The following ROBO2 variants were observed in gnomAD, a reference collection of about 807,000 sequenced individuals.
The protein encoded by ROBO2 is roundabout homolog 2.
A neutral mutation model predicts 160.8 loss-of-function variants in ROBO2; 53 were observed. That is an observed-to-expected ratio of 0.33 (90% CI 0.26 to 0.41). The LOEUF (loss-of-function observed/expected upper bound fraction) is 0.41. ROBO2 is among the 10% of genes least tolerant of loss of function. The pLI is 1.00. For synonymous variants in ROBO2, 664 were observed against 611.7 expected (o/e 1.09, Z -1.26); for missense variants, 1,577 against 1,722.4 (o/e 0.92, Z 1.49).
chr3:75,988,702 A>G (rs901230263), intron 2 of ROBO2, among the ~76,000 whole-genome samples: 5 of 151,686 alleles, frequency 3.3e-5, no homozygotes, highest in African/African-American at 1.2e-4. Flanking sequence ...ATCTCCAAGT[A>G]TTTTCTAATT....
intron 2 of ROBO2, among the ~76,000 whole-genome samples, chr3:77,216,801 A>C (rs1199072324): frequency 6.6e-6 from 1 of 152,248 alleles, no homozygotes; most frequent in Admixed American, 6.5e-5. Flanking sequence ...AGGTGGAATT[A>C]CAAAATATTA....
chr3:77,028,873 A>C (rs2063141968), intron 2 of ROBO2, among the ~76,000 whole-genome samples: 1 of 152,110 alleles, frequency 6.6e-6, no homozygotes, highest in Admixed American at 6.5e-5. Flanking sequence ...TGTGTGTGTG[A>C]ATATAAGAAA....
chr3:76,790,866 C>A (rs1018640435), intron 2 of ROBO2, among the ~76,000 whole-genome samples: 2 of 151,492 alleles, frequency 1.3e-5, no homozygotes, highest in African/African-American at 4.8e-5. Flanking sequence ...TCTTTTCAGC[C>A]CTATCACTTA....
intron 2 of ROBO2, among the ~76,000 whole-genome samples, chr3:77,101,589 T>G (rs1161921881): frequency 6.6e-6 from 1 of 152,156 alleles, no homozygotes; most frequent in Non-Finnish European, 1.5e-5. Flanking sequence ...GAGCAGTTAA[T>G]AAGGGCTGAG....
At chr3:76,722,296 A>G (rs2093478147) in intron 2 of ROBO2, among the ~76,000 whole-genome samples, 1 of 151,992 alleles carries the variant, frequency 6.6e-6, no homozygotes, top group African/African-American at 2.4e-5. Context: ...TAATTTTTGT[A>G]TTTTTAGTAG....
chr3:77,045,750 G>T (rs1257596545), intron 1 of ROBO2, among the ~76,000 whole-genome samples: 1 of 152,134 alleles, frequency 6.6e-6, no homozygotes, highest in East Asian at 1.9e-4. Flanking sequence ...ACCCAAGAAA[G>T]AAACTATGTA....
intron 8 of ROBO2, among the ~76,000 whole-genome samples, chr3:77,556,631 A>G (rs2093133033): frequency 6.6e-6 from 1 of 151,922 alleles, no homozygotes; most frequent in Non-Finnish European, 1.5e-5. Context: ...TGCCATTTAT[A>G]AAAGCTGGTG....
intron 2 of ROBO2, among the ~76,000 whole-genome samples, chr3:76,290,610 C>T (rs1358151305): frequency 5.3e-5 from 8 of 152,118 alleles, no homozygotes; most frequent in African/African-American, 9.6e-5. Context: ...GTTCTCAAGG[C>T]GTATGCTTCC....
At chr3:76,086,003 A>T (rs1559899943) in intron 2 of ROBO2, among the ~76,000 whole-genome samples, 1 of 152,186 alleles carries the variant, frequency 6.6e-6, no homozygotes, top group Non-Finnish European at 1.5e-5. Context: ...TTTATCAGGG[A>T]CTAACCGTTT....
intron 21 of ROBO2, among the ~76,000 whole-genome samples, chr3:77,614,744 A>G (rs2094728556): frequency 6.9e-6 from 1 of 144,266 alleles, no homozygotes; most frequent in African/African-American, 2.5e-5. Flanking sequence ...CAACCAACCA[A>G]CCAACCAACC....
At chr3:77,411,269 G>A (rs1373157603) in intron 2 of ROBO2, among the ~76,000 whole-genome samples, 1 of 152,144 alleles carries the variant, frequency 6.6e-6, no homozygotes, top group Non-Finnish European at 1.5e-5. Flanking sequence ...TCTCATACAT[G>A]CCTGGTGAGG....
At chr3:76,639,490 A>G (rs1186227024) in intron 2 of ROBO2, among the ~76,000 whole-genome samples, 1 of 151,634 alleles carries the variant, frequency 6.6e-6, no homozygotes, top group East Asian at 2.0e-4. Context: ...ACACACACAC[A>G]TATCCCCAAA....
intron 2 of ROBO2, among the ~76,000 whole-genome samples, chr3:76,384,597 G>C (rs943067187): frequency 1.3e-5 from 2 of 152,142 alleles, no homozygotes; most frequent in Non-Finnish European, 2.9e-5. Flanking sequence ...ATAAAGGAAA[G>C]AGGTTTAACT....
intron 2 of ROBO2, among the ~76,000 whole-genome samples, chr3:77,291,168 G>C (rs1056329655): frequency 4.7e-5 from 7 of 147,818 alleles, no homozygotes; most frequent in Non-Finnish European, 1.0e-4. Flanking sequence ...GTTGAGGCTA[G>C]AACAGTAAAG....
intron 2 of ROBO2, among the ~76,000 whole-genome samples, chr3:76,278,118 G>C (rs1708035917): frequency 6.6e-6 from 1 of 151,856 alleles, no homozygotes; most frequent in South Asian, 2.1e-4. Flanking sequence ...AGTTAAACTT[G>C]TATGGTTTAA....
At chr3:76,438,803 A>G (rs2076796633) in intron 2 of ROBO2, among the ~76,000 whole-genome samples, 2 of 152,048 alleles carry the variant, frequency 1.3e-5, no homozygotes, top group Non-Finnish European at 2.9e-5. Context: ...CTTTATTTAA[A>G]TATATACATT....
At chr3:77,104,220 G>T (rs2072467294) in intron 2 of ROBO2, among the ~76,000 whole-genome samples, 1 of 152,006 alleles carries the variant, frequency 6.6e-6, no homozygotes, top group Non-Finnish European at 1.5e-5. Flanking sequence ...TCCCATTCCT[G>T]CACCCTCTCA....
Position 77,443,066 on chromosome 3 carries a change from A to G in ROBO2, c.389-34348A>G, listed in dbSNP as rs547442731. Among the ~76,000 whole-genome samples the G allele has an allele frequency of 9.2e-5, 14 of 152,360 alleles. No individual in the cohort carries two copies. In the South Asian group the frequency reaches 2.9e-3, roughly 32 times the overall value. Reference sequence around the variant, plus strand: ...ACCAAATTTAAATGAAATTCAAATCAAATATTGTTGCCATTCTTAGAGACT... The same window carrying G: ...ACCAAATTTAAATGAAATTCAAATCGAATATTGTTGCCATTCTTAGAGACT... On this transcript the variant is annotated intron_variant, in intron 2 of 25. Transcript: ENST00000461745.
chr3:76,129,140 CTG>C (rs2071122755), intron 2 of ROBO2, among the ~76,000 whole-genome samples: 1 of 151,718 alleles, frequency 6.6e-6, no homozygotes, highest in Non-Finnish European at 1.5e-5. Context: ...CCTGCAAGTT[CTG>C]TGACTTTGGC....
Sources: allele counts gnomAD v4.1 joint callset (sites outside exome capture counted in the v4.1 genomes callset), GRCh38; gene constraint gnomAD v4.1.1; transcripts MANE v1.5; gene names NCBI Gene and HGNC (gene_info 2026-07-23, HGNC 2026-07-21).